Variants in MAPK8 observed in about 807,000 individuals in gnomAD.
The protein encoded by MAPK8 is JUN N-terminal kinase.
MAPK8 carries 13 observed loss-of-function variants against 52.9 expected under a neutral mutation model. The ratio of observed to expected loss-of-function variants is 0.25; its 90% CI spans 0.16 to 0.39. The LOEUF (loss-of-function observed/expected upper bound fraction) is 0.39. MAPK8 is among the 10% of genes least tolerant of loss of function. The pLI is 1.00. For synonymous variants in MAPK8, 191 were observed against 169.8 expected (o/e 1.12, Z -0.97); for missense variants, 300 against 519.2 (o/e 0.58, Z 4.10).
At chr10:48,369,830 T>C (rs1216277163) in intron 1 of MAPK8, among the ~76,000 whole-genome samples, 1 of 152,046 alleles carries the variant, frequency 6.6e-6, no homozygotes, top group African/African-American at 2.4e-5. Flanking sequence ...ATGAGCAGCA[T>C]AGGAAAAAGT....
intron 1 of MAPK8, among the ~76,000 whole-genome samples, chr10:48,334,701 T>C (rs750315814): frequency 1.3e-5 from 2 of 152,058 alleles, no homozygotes; most frequent in Non-Finnish European, 2.9e-5. Flanking sequence ...GGCATAAAGA[T>C]CCCAGACGGG....
intron 1 of MAPK8, among the ~76,000 whole-genome samples, chr10:48,321,089 G>GT (rs34616108): frequency 0.55 from 51,400 of 93,904 alleles, 14,705 homozygotes; most frequent in African/African-American, 0.6. Context: ...CGTTGTAAGA[G>GT]TTTTTTTTTT....
intron 1 of MAPK8, 137 bp from the exon 2 acceptor site, chr10:48,401,475 C>T (rs2042156102): frequency 7.7e-6 from 4 of 519,958 alleles, no homozygotes; most frequent in African/African-American, 4.0e-5. Flanking sequence ...TATTTTTTTT[C>T]TTATGTTTTT....
chr10:48,342,801 A>G (rs1168089316), intron 1 of MAPK8, among the ~76,000 whole-genome samples: 1 of 152,164 alleles, frequency 6.6e-6, no homozygotes, highest in Non-Finnish European at 1.5e-5. Context: ...TGCCTTTTGA[A>G]TGTCCAGATG....
intron 1 of MAPK8, among the ~76,000 whole-genome samples, chr10:48,343,540 C>T (rs1589007911): frequency 6.6e-6 from 1 of 152,294 alleles, no homozygotes; most frequent in African/African-American, 2.4e-5. Flanking sequence ...GAACCTGCCA[C>T]TCAAGGGAAG....
chr10:48,422,005 T>TTTTATTTATTTA (rs781509836), intron 6 of MAPK8, among the ~76,000 whole-genome samples: 7 of 107,916 alleles, frequency 6.5e-5, no homozygotes, highest in South Asian at 3.4e-4. Context: ...ATTTTATTTA[T>TTTTATTTATTTA]CTTATTTATT....
chr10:48,383,319 T>C (rs1469581327), intron 1 of MAPK8, among the ~76,000 whole-genome samples: 1 of 152,144 alleles, frequency 6.6e-6, no homozygotes, highest in Admixed American at 6.5e-5. Context: ...GACTGTACTC[T>C]CTAGGGTTTC....
intron 5 of MAPK8, among the ~76,000 whole-genome samples, chr10:48,412,254 CCTCTCTTGCTG>C (rs987493683): frequency 1.3e-5 from 2 of 152,208 alleles, no homozygotes; most frequent in Non-Finnish European, 2.9e-5. Context: ...GACAAATGCA[CCTCTCTTGCTG>C]CTCTCAAGAT....
chr10:48,417,870 T>A (rs2043147883), intron 5 of MAPK8, among the ~76,000 whole-genome samples: 2 of 152,232 alleles, frequency 1.3e-5, no homozygotes, highest in South Asian at 4.1e-4. Context: ...GGTGGCTACT[T>A]CTTTTAAATG....
intron 1 of MAPK8, among the ~76,000 whole-genome samples, chr10:48,335,190 CTT>C (rs1246624616): frequency 2.0e-5 from 3 of 152,178 alleles, no homozygotes; most frequent in Admixed American, 6.5e-5. Context: ...CAATGGCACT[CTT>C]TTCACCAGGT....
intron 1 of MAPK8, among the ~76,000 whole-genome samples, chr10:48,363,983 A>G (rs943507817): frequency 2.0e-5 from 3 of 152,182 alleles, no homozygotes; most frequent in African/African-American, 7.2e-5. Context: ...CTTTAATTCA[A>G]TTGCCAATAA....
chr10:48,407,576 A>G (rs947117552), intron 3 of MAPK8, among the ~76,000 whole-genome samples: 2 of 152,186 alleles, frequency 1.3e-5, no homozygotes, highest in Admixed American at 6.5e-5. Context: ...TGGGACAACT[A>G]TCTGTTTGAA....
intron 1 of MAPK8, among the ~76,000 whole-genome samples, chr10:48,388,171 T>TA (rs2132815823): frequency 6.6e-6 from 1 of 152,330 alleles, no homozygotes; most frequent in African/African-American, 2.4e-5. Context: ...GTTTTAATAA[T>TA]AAACTCTAGA....
intron 1 of MAPK8, among the ~76,000 whole-genome samples, chr10:48,355,363 G>A (rs1288339907): frequency 6.6e-6 from 1 of 152,044 alleles, no homozygotes; most frequent in Non-Finnish European, 1.5e-5. Flanking sequence ...CAAAAAATTA[G>A]CCGGGTGTAG....
rs755812386 is a variant in MAPK8 at position 48,410,056 on chromosome 10, C to G, written c.338C>G (p.Ala113Gly). ...TACATAGTCATGGAGCTCATGGATG[C>G]AAATCTTTGCCAAGTGATTCAGATG... ...DVYIVMELMD[A>G]NLCQVIQMEL... Residue 113 changes from alanine (A) to glycine (G), a missense_variant, in exon 5 of 12, where the codon GCA (alanine) becomes GGA (glycine). Physicochemically the swap from Ala to Gly is moderately conservative, Grantham distance 60 (BLOSUM62 0). Around this residue, in one of 3 missense-constraint regions of MAPK8, gnomAD observed 147 missense variants for 328.1 expected, o/e 0.45. Coordinates refer to ENST00000374189, the MANE Select transcript of MAPK8 (RefSeq NM_001323329.2). The G allele has an allele frequency of 6.2e-7, 1 of 1,601,796 alleles. No homozygotes were observed.
intron 1 of MAPK8, among the ~76,000 whole-genome samples, chr10:48,323,177 T>C (rs1034543102): frequency 1.3e-5 from 2 of 152,182 alleles, no homozygotes; most frequent in African/African-American, 2.4e-5. Context: ...AAACTAGATA[T>C]TTTTGCAAAG....
intron 1 of MAPK8, among the ~76,000 whole-genome samples, chr10:48,390,586 T>C (rs2041567753): frequency 6.6e-6 from 1 of 152,248 alleles, no homozygotes; most frequent in Non-Finnish European, 1.5e-5. Flanking sequence ...TCCTTAAGTA[T>C]GTTTTATGTA....
In MAPK8 at chr10:48,411,860, T is replaced by TTCCCC. The variant is rs201982590; in HGVS notation, c.450+1712_450+1716dup. ...CTTCCTTTCTCCACCCTCTCCTCTC[T>TTCCCC]TCCCCTCCCCTCCCCTCCCCTCCCA... is the stretch of plus-strand genomic sequence containing the variant. On this transcript the variant is annotated intron_variant, in intron 5 of 11. Transcript: ENST00000374189. Among the ~76,000 whole-genome samples, 51 of 117,790 alleles carry TTCCCC rather than the reference T, an allele frequency of 4.3e-4. 1 individual carries two copies. The East Asian group carries it at 0.013, about 30-fold the overall frequency. 77.3% of individuals were successfully genotyped at this position (117,790 alleles called of 152,430 possible).
In MAPK8 at chr10:48,409,510, C is replaced by T. The variant is rs566880057; in HGVS notation, c.253-369C>T. 5.3e-5 allele frequency among the ~76,000 whole-genome samples: 8 copies of T among 152,130 alleles called. No individual in the cohort carries two copies. The South Asian group carries it at 1.5e-3, about 28-fold the overall frequency. ...TGGGCAAGTGCAGTATTATGAAAAA[C>T]CAAGGGAGGAAAGGGCTGAGATTAT... On this transcript the variant is annotated intron_variant, in intron 3 of 11. Transcript: ENST00000374189.
Sources: allele counts gnomAD v4.1 joint callset (sites outside exome capture counted in the v4.1 genomes callset), GRCh38; gene constraint gnomAD v4.1.1; regional missense constraint gnomAD v4.1.1; transcripts MANE v1.5; gene names NCBI Gene and HGNC (gene_info 2026-07-23, HGNC 2026-07-21).